ZNF638: variants seen among roughly 807,000 people sequenced by gnomAD.
The protein encoded by ZNF638 is zinc finger protein 638.
ZNF638 carries 46 observed loss-of-function variants against 195.6 expected under a neutral mutation model. The ratio of observed to expected loss-of-function variants is 0.24; its 90% CI spans 0.19 to 0.30. ZNF638 has a LOEUF of 0.30. ZNF638 is among the 10% of genes least tolerant of loss of function. The probability of loss-of-function intolerance (pLI) is 1.00; values close to 1 mark genes in which losing one functional copy is unlikely to be tolerated. For synonymous variants in ZNF638, 845 were observed against 772.0 expected, an observed-to-expected ratio of 1.09 and a Z score of -1.57; for missense variants, 2,440 against 2,325.3, an observed-to-expected ratio of 1.05 and a Z score of -1.01.
intron 25 of ZNF638, chr2:71,428,928 T>G (rs2080597574): frequency 4.0e-6 from 1 of 252,536 alleles, no homozygotes; most frequent in African/African-American, 2.2e-5. Flanking sequence ...ATTAACTAGC[T>G]ATTATTTGTG....
chr2:71,389,005 G>A (rs1286686640), intron 10 of ZNF638, among the ~76,000 whole-genome samples: 2 of 152,094 alleles, frequency 1.3e-5, no homozygotes, highest in Admixed American at 1.3e-4. Context: ...CAAGGGCAAC[G>A]GGTCCCAGTA....
chr2:71,392,493 C>T (rs1161582376), intron 10 of ZNF638, among the ~76,000 whole-genome samples: 3 of 152,150 alleles, frequency 2.0e-5, no homozygotes, highest in Admixed American at 2.0e-4. Flanking sequence ...TGAGACCGCC[C>T]TCATTAAGTC....
chr2:71,399,977 A>G, intron 13 of ZNF638, 135 bp from the exon 14 acceptor site: 1 of 652,200 alleles, frequency 1.5e-6, no homozygotes, highest in Non-Finnish European at 2.4e-6. Context: ...TGTTTTTCAA[A>G]GAGAGATGTT....
chr2:71,421,365 TAAAA>T (rs61017341), intron 21 of ZNF638, among the ~76,000 whole-genome samples: 2 of 139,758 alleles, frequency 1.4e-5, no homozygotes, highest in Non-Finnish European at 3.1e-5. Flanking sequence ...GTGATTATTT[TAAAA>T]AAAAAACATT....
At chr2:71,356,066 T>C (rs1181185693) in intron 3 of ZNF638, among the ~76,000 whole-genome samples, 1 of 152,244 alleles carries the variant, frequency 6.6e-6, no homozygotes, top group Non-Finnish European at 1.5e-5. Flanking sequence ...CTTTTATCTA[T>C]ATCAGAGCAG....
At chr2:71,402,859 A>G (rs1321969463) in intron 16 of ZNF638, among the ~76,000 whole-genome samples, 1 of 152,168 alleles carries the variant, frequency 6.6e-6, no homozygotes, top group Non-Finnish European at 1.5e-5. Flanking sequence ...GAGATCTTTG[A>G]AAGTAGAATA....
At chr2:71,339,150 G>GTTTTT (rs35822775) in intron 1 of ZNF638, among the ~76,000 whole-genome samples, 1 of 130,160 alleles carries the variant, frequency 7.7e-6, no homozygotes. Flanking sequence ...GTCGGTTTAG[G>GTTTTT]TTTTTTTTTT....
At chr2:71,422,407 A>G (rs2080451086) in intron 21 of ZNF638, among the ~76,000 whole-genome samples, 2 of 152,114 alleles carry the variant, frequency 1.3e-5, no homozygotes, top group Non-Finnish European at 2.9e-5. Context: ...TTAAATCATA[A>G]TGCATGGATC....
intron 10 of ZNF638, among the ~76,000 whole-genome samples, chr2:71,388,093 G>A (rs2079681508): frequency 6.6e-6 from 1 of 152,130 alleles, no homozygotes; most frequent in Non-Finnish European, 1.5e-5. Flanking sequence ...AACCATGTTA[G>A]GTTTTTGTAG....
chr2:71,354,001 A>G (rs1451487438), intron 2 of ZNF638, among the ~76,000 whole-genome samples: 3 of 152,250 alleles, frequency 2.0e-5, no homozygotes, highest in African/African-American at 4.8e-5. Flanking sequence ...TGGCTTAATG[A>G]AATAGTTTAG....
chr2:71,347,035 A>G (rs1410458084), intron 1 of ZNF638, among the ~76,000 whole-genome samples: 1 of 149,742 alleles, frequency 6.7e-6, no homozygotes, highest in African/African-American at 2.4e-5. Context: ...AAAAAAAGAA[A>G]AAAAAAAGAA....
intron 10 of ZNF638, among the ~76,000 whole-genome samples, chr2:71,390,989 C>T (rs989485392): frequency 6.6e-6 from 1 of 152,194 alleles, no homozygotes; most frequent in African/African-American, 2.4e-5. Context: ...CTTCCCCTAC[C>T]CCTGACGTGG....
intron 10 of ZNF638, among the ~76,000 whole-genome samples, chr2:71,388,926 C>G (rs1006746825): frequency 6.6e-5 from 10 of 152,090 alleles, no homozygotes; most frequent in South Asian, 6.2e-4. Flanking sequence ...TCCATGGTTC[C>G]CAGCAGAAGG....
rs1387629531 is a variant in ZNF638, at chr2:71,380,582, A to T, written c.2377+17A>T. 1 of 1,592,934 alleles carries T rather than the reference A, an allele frequency of 6.3e-7. No individual in the cohort carries two copies. Among genetic ancestry groups the T allele is most frequent in the Non-Finnish European group, 8.6e-7 (1 of 1,167,366 alleles). On this transcript the variant is annotated intron_variant, in intron 10 of 27. Coordinates refer to ENST00000264447, the MANE Select transcript of ZNF638 (RefSeq NM_014497.5). ...CTTCTGCTGGTAAGTTGTTACTTTTAATATTCTTTCAAATGAGTGTATCTT... is the reference window on the plus strand; with the variant it reads ...CTTCTGCTGGTAAGTTGTTACTTTTTATATTCTTTCAAATGAGTGTATCTT...
chr2:71,428,526 A>G, intron 24 of ZNF638, 21 bp from the exon 25 acceptor site: 1 of 1,591,598 alleles, frequency 6.3e-7, no homozygotes, highest in Non-Finnish European at 8.6e-7. Context: ...AGAGCAATAA[A>G]TTAGGACTTT....
At chr2:71,379,960 C>T (rs2670715) in intron 8 of ZNF638, 41,988 of 257,238 alleles carry the variant, frequency 0.16, 4,503 homozygotes, top group East Asian at 0.54. Flanking sequence ...GGGTTCAGCA[C>T]GAGCACGGTT....
chr2:71,433,945 C>T (rs1158513846), intron 27 of ZNF638, among the ~76,000 whole-genome samples: 1 of 152,184 alleles, frequency 6.6e-6, no homozygotes. Flanking sequence ...AACCCAAGGT[C>T]ACATAGCTAG....
intron 16 of ZNF638, 90 bp from the exon 17 acceptor site, chr2:71,403,780 G>A (rs1444043410): frequency 7.8e-6 from 7 of 892,834 alleles, no homozygotes; most frequent in South Asian, 2.3e-5. Context: ...TCCACTTGAC[G>A]TTTGAAGTAG....
At chr2:71,434,087 C>G (rs2080719357) in intron 27 of ZNF638, among the ~76,000 whole-genome samples, 1 of 152,212 alleles carries the variant, frequency 6.6e-6, no homozygotes, top group Non-Finnish European at 1.5e-5. Flanking sequence ...CTTCTAGTAG[C>G]TTCATATTGC....
Sources: allele counts gnomAD v4.1 joint callset (sites outside exome capture counted in the v4.1 genomes callset), GRCh38; gene constraint gnomAD v4.1.1; transcripts MANE v1.5; gene names NCBI Gene and HGNC (gene_info 2026-07-23, HGNC 2026-07-21).